Variants in KAT6A observed in about 807,000 individuals in gnomAD.
KAT6A encodes histone acetyltransferase KAT6A.
KAT6A carries 9 observed loss-of-function variants against 198.4 expected under a neutral mutation model. The ratio of observed to expected loss-of-function variants is 0.05; its 90% CI spans 0.03 to 0.08. The LOEUF (loss-of-function observed/expected upper bound fraction) is 0.08. KAT6A is among the 10% of genes least tolerant of loss of function. The probability of loss-of-function intolerance (pLI) is 1.00; values close to 1 mark genes in which losing one functional copy is unlikely to be tolerated. For missense variants in KAT6A, 2,077 were observed against 2,509.9 expected (o/e 0.83, Z 3.69); for synonymous variants, 890 against 883.0 (o/e 1.01, Z -0.14).
intron 3 of KAT6A, 54 bp from the exon 4 acceptor site, chr8:41,982,008 T>C (rs1178724984): frequency 9.9e-7 from 1 of 1,011,028 alleles, no homozygotes; most frequent in African/African-American, 1.6e-5. Flanking sequence ...ATTTTGCTAT[T>C]ATAGTACTAA....
At chr8:42,046,785 A>G (rs1802328458) in intron 2 of KAT6A, among the ~76,000 whole-genome samples, 1 of 152,182 alleles carries the variant, frequency 6.6e-6, no homozygotes, top group Non-Finnish European at 1.5e-5. Context: ...TCTACCCTGA[A>G]TTTTTAATAT....
intron 2 of KAT6A, among the ~76,000 whole-genome samples, chr8:42,020,442 A>G (rs1669151068): frequency 6.6e-6 from 1 of 152,216 alleles, no homozygotes; most frequent in Non-Finnish European, 1.5e-5. Flanking sequence ...TTTGTGCTTA[A>G]GATTATCAGC....
At chr8:42,025,505 C>T (rs1015727105) in intron 2 of KAT6A, among the ~76,000 whole-genome samples, 33 of 152,140 alleles carry the variant, frequency 2.2e-4, no homozygotes, top group African/African-American at 7.7e-4. Context: ...TGAGCCACTG[C>T]ACTTTTGGCT....
rs1440714160 is a variant in KAT6A at position 41,929,940 on chromosome 8, T to G, written c.*2265A>C. The stretch of plus-strand genomic sequence containing the variant: ...ACAGTGAGTTTTTAAATTTCTTTTT[T>G]AGAAGATTACCCAAGTTATCTTGCT... On this transcript the variant is annotated 3_prime_UTR_variant, in exon 17 of 17. Coordinates refer to ENST00000265713, the MANE Select transcript of KAT6A (RefSeq NM_006766.5). The G allele has an allele frequency of 4.6e-6, 1 of 218,254 alleles. No individual in the cohort carries two copies. The highest frequency in any genetic ancestry group is 9.2e-6 in the Non-Finnish European group (1 of 108,702). 13.5% of individuals were successfully genotyped at this position (218,254 alleles called of 1,614,324 possible). A position where few individuals can be genotyped will look rare whatever the true frequency, so the allele number is the denominator to read the frequency against.
chr8:42,012,293 A>T (rs538803404), intron 2 of KAT6A, among the ~76,000 whole-genome samples: 1 of 152,340 alleles, frequency 6.6e-6, no homozygotes, highest in African/African-American at 2.4e-5. Flanking sequence ...AGTAGACTGA[A>T]ATCCCCCACA....
intron 2 of KAT6A, among the ~76,000 whole-genome samples, chr8:41,992,208 A>G (rs1824982641): frequency 6.6e-6 from 1 of 151,926 alleles, no homozygotes; most frequent in South Asian, 2.1e-4. Context: ...TAAAAAAAAA[A>G]GAAAAAAAAA....
chr8:41,969,586 G>A (rs921495435), intron 8 of KAT6A, among the ~76,000 whole-genome samples: 2 of 152,192 alleles, frequency 1.3e-5, no homozygotes, highest in South Asian at 2.1e-4. Flanking sequence ...AGCCTGCAAA[G>A]TGGTTTCCCA....
intron 2 of KAT6A, among the ~76,000 whole-genome samples, chr8:42,033,610 ATG>A (rs749168501): frequency 3.3e-5 from 5 of 152,068 alleles, no homozygotes; most frequent in Non-Finnish European, 2.9e-5. Context: ...CTAACTTCAC[ATG>A]TGACTTCCTC....
intron 2 of KAT6A, among the ~76,000 whole-genome samples, chr8:41,990,378 T>C (rs1824874416): frequency 6.6e-6 from 1 of 152,052 alleles, no homozygotes; most frequent in South Asian, 2.1e-4. Flanking sequence ...AGAAGCATAG[T>C]AAGGAAGACA....
chr8:41,973,386 AT>A (rs1229626201), intron 8 of KAT6A, among the ~76,000 whole-genome samples: 1 of 151,828 alleles, frequency 6.6e-6, no homozygotes, highest in African/African-American at 2.4e-5. Context: ...CCACCGGCTA[AT>A]TTTTGTATTT....
At chr8:42,032,119 C>T (rs527732911) in intron 2 of KAT6A, among the ~76,000 whole-genome samples, 38 of 152,186 alleles carry the variant, frequency 2.5e-4, no homozygotes, top group Middle Eastern at 3.4e-3. Flanking sequence ...TTAGTAGAGA[C>T]AGGGTTTTGC....
chr8:42,002,862 G>C (rs2150903644), intron 2 of KAT6A, among the ~76,000 whole-genome samples: 1 of 152,062 alleles, frequency 6.6e-6, no homozygotes, highest in East Asian at 1.9e-4. Context: ...ATTTCCTTAG[G>C]ACATATTCCT....
chr8:42,001,660 G>C (rs1014892523), intron 2 of KAT6A, among the ~76,000 whole-genome samples: 2 of 152,138 alleles, frequency 1.3e-5, no homozygotes, highest in African/African-American at 4.8e-5. Context: ...AAAGAGCTAG[G>C]GCAAAAGTAA....
intron 2 of KAT6A, among the ~76,000 whole-genome samples, chr8:42,029,901 T>G (rs915265093): frequency 1.3e-5 from 2 of 152,222 alleles, no homozygotes; most frequent in African/African-American, 4.8e-5. Context: ...TGTATTTCAC[T>G]GAGCTTCTTT....
intron 5 of KAT6A, among the ~76,000 whole-genome samples, chr8:41,979,142 C>T (rs965745263): frequency 4.0e-5 from 6 of 151,670 alleles, no homozygotes; most frequent in African/African-American, 4.8e-5. Context: ...GTGGTACGTG[C>T]CTGTAGTCCC....
At position 41,978,656 on chromosome 8, in the gene KAT6A, C is replaced by A. The variant is rs35529154; in HGVS notation, c.1029G>T (p.Lys343Asn). Residue 343 changes from lysine (K) to asparagine (N), a missense_variant, in exon 6 of 17, where the codon AAG becomes AAT. Around this residue, in one of 13 missense-constraint regions of KAT6A, gnomAD observed 206 missense variants for 214.9 expected, o/e 0.96. Transcript: ENST00000265713. ...GTACAACTTACACCGTGTTTTGTTT[C>A]TTTAACCTGTTTTTTGGACGTCCTA... ...NPIGRPKNRL[K>N]KQNTVSKGPF... 174 of 1,614,002 alleles carry A rather than the reference C, an allele frequency of 1.1e-4. No homozygotes were observed. The African/African-American group carries it at 2.1e-3, about 20-fold the overall frequency.
At chr8:42,050,913 T>C (rs1369997193) in intron 1 of KAT6A, among the ~76,000 whole-genome samples, 4 of 152,118 alleles carry the variant, frequency 2.6e-5, no homozygotes, top group Admixed American at 1.3e-4. Context: ...CACGAGCGGC[T>C]AGAGCGAGCG....
chr8:42,045,830 A>G (rs1451763395), intron 2 of KAT6A, among the ~76,000 whole-genome samples: 3 of 151,002 alleles, frequency 2.0e-5, no homozygotes, highest in Non-Finnish European at 3.0e-5. Flanking sequence ...AAAAAAAAAA[A>G]AAAAAGTAGC....
chr8:41,944,066 A>C (rs1299291465), intron 12 of KAT6A, 87 bp from the exon 13 acceptor site: 7 of 811,636 alleles, frequency 8.6e-6, no homozygotes. Context: ...CCTCTTCTAC[A>C]ACCAAGAATA....
Sources: allele counts gnomAD v4.1 joint callset (sites outside exome capture counted in the v4.1 genomes callset), GRCh38; gene constraint gnomAD v4.1.1; regional missense constraint gnomAD v4.1.1; transcripts MANE v1.5; gene names NCBI Gene and HGNC (gene_info 2026-07-23, HGNC 2026-07-21).